UNC5D: variants seen among roughly 807,000 people sequenced by gnomAD.
UNC5D encodes the protein netrin receptor UNC5D.
Under a neutral mutation model 105.4 loss-of-function variants are expected in UNC5D, and 39 were observed. The observed-to-expected ratio is 0.37, with a 90% CI of 0.29 to 0.48. The LOEUF (loss-of-function observed/expected upper bound fraction) is 0.48. Among genes scored for constraint, UNC5D ranks in the 20% least tolerant of loss-of-function variants. The pLI is 0.98. For missense variants in UNC5D, 991 were observed against 1,202.4 expected (o/e 0.82, Z 2.60); for synonymous variants, 452 against 450.4 (o/e 1.00, Z -0.04).
intron 1 of UNC5D, among the ~76,000 whole-genome samples, chr8:35,373,806 C>CT (rs984384889): frequency 6.6e-6 from 1 of 152,122 alleles, no homozygotes; most frequent in Non-Finnish European, 1.5e-5. Flanking sequence ...TTCATATTCA[C>CT]TTTTTTTGTT....
intron 8 of UNC5D, 32 bp downstream of exon 8, chr8:35,705,993 T>C: frequency 7.9e-7 from 1 of 1,271,078 alleles, no homozygotes; most frequent in Non-Finnish European, 1.1e-6. Context: ...GAATATAATT[T>C]ATTCTCATAT....
At chr8:35,377,113 C>T (rs1333343308) in intron 1 of UNC5D, among the ~76,000 whole-genome samples, 2 of 152,190 alleles carry the variant, frequency 1.3e-5, no homozygotes, top group East Asian at 3.9e-4. Context: ...ATCTGCTTCT[C>T]AGGTCATCCT....
intron 1 of UNC5D, among the ~76,000 whole-genome samples, chr8:35,298,008 C>G (rs1323142937): frequency 6.6e-6 from 1 of 152,118 alleles, no homozygotes; most frequent in Non-Finnish European, 1.5e-5. Context: ...TCTTTCTGGT[C>G]AGTCTCAGGC....
At chr8:35,696,000 G>T (rs1052089049) in intron 7 of UNC5D, among the ~76,000 whole-genome samples, 1 of 152,060 alleles carries the variant, frequency 6.6e-6, no homozygotes, top group Non-Finnish European at 1.5e-5. Context: ...CTCCCAAAGT[G>T]CTGGGATTAC....
chr8:35,438,457 C>T (rs1183757354), intron 1 of UNC5D, among the ~76,000 whole-genome samples: 1 of 151,936 alleles, frequency 6.6e-6, no homozygotes, highest in African/African-American at 2.4e-5. Flanking sequence ...TAATGGGGCA[C>T]TATTAGTAAT....
In UNC5D at chr8:35,722,327, T is replaced by C. The variant is rs147064561; in HGVS notation, c.1235T>C (p.Val412Ala). 2 of 1,614,174 alleles carry C rather than the reference T, an allele frequency of 1.2e-6. No homozygotes were observed. Among genetic ancestry groups the C allele is most frequent in the Non-Finnish European group, 1.7e-6 (2 of 1,180,024 alleles). The part of the protein sequence containing the change: ...LYRRSQSDYG[V>A]DVIDSSALTG... ...AGACGGAGCCAGAGTGACTATGGCG[T>C]GGACGTCATTGACTCTTCTGCATTG... The change falls in exon 9 of 17, where the codon GTG (valine) becomes GCG (alanine). Residue 412 changes from valine to alanine, a missense_variant. This residue lies in a region of UNC5D where 944 missense variants were observed against 1,131.6 expected (regional missense o/e 0.83). Transcript: ENST00000404895.
At chr8:35,587,195 G>C (rs1424458008) in intron 3 of UNC5D, among the ~76,000 whole-genome samples, 1 of 152,096 alleles carries the variant, frequency 6.6e-6, no homozygotes, top group Non-Finnish European at 1.5e-5. Flanking sequence ...TTCTGCTGTG[G>C]AACTGAACAG....
At chr8:35,501,464 G>A (rs1249972844) in intron 1 of UNC5D, among the ~76,000 whole-genome samples, 1 of 152,190 alleles carries the variant, frequency 6.6e-6, no homozygotes, top group Admixed American at 6.5e-5. Context: ...GGGGCTCTGT[G>A]AGGAAGATAG....
At chr8:35,414,892 GA>G (rs1183086480) in intron 1 of UNC5D, among the ~76,000 whole-genome samples, 1 of 152,032 alleles carries the variant, frequency 6.6e-6, no homozygotes, top group East Asian at 1.9e-4. Flanking sequence ...CCCTGAACAA[GA>G]AGACTCATTA....
intron 8 of UNC5D, chr8:35,721,376 A>G (rs1284423894): frequency 1.4e-6 from 1 of 702,402 alleles, no homozygotes; most frequent in Non-Finnish European, 2.6e-6. Flanking sequence ...GCTATAGCAC[A>G]TCTTGCGGGG....
At chr8:35,690,972 T>C (rs1826350874) in intron 7 of UNC5D, among the ~76,000 whole-genome samples, 1 of 152,228 alleles carries the variant, frequency 6.6e-6, no homozygotes, top group South Asian at 2.1e-4. Context: ...TCTTGGCTCT[T>C]AGATGACCTA....
At chr8:35,622,168 C>T (rs1468291433) in intron 4 of UNC5D, among the ~76,000 whole-genome samples, 5 of 152,052 alleles carry the variant, frequency 3.3e-5, no homozygotes, top group Non-Finnish European at 4.4e-5. Flanking sequence ...ATGGTGAAAC[C>T]CCATCTCTAC....
At chr8:35,672,507 G>T (rs1238733562) in intron 4 of UNC5D, among the ~76,000 whole-genome samples, 5 of 152,166 alleles carry the variant, frequency 3.3e-5, no homozygotes, top group African/African-American at 9.7e-5. Context: ...CTTCACCAGA[G>T]ATTCAAAAGC....
intron 1 of UNC5D, among the ~76,000 whole-genome samples, chr8:35,401,423 G>T (rs996309721): frequency 6.6e-6 from 1 of 152,168 alleles, no homozygotes; most frequent in Admixed American, 6.5e-5. Flanking sequence ...GGCAGAGGTT[G>T]CAGTGAGCCG....
rs533325599 is a variant in UNC5D at position 35,545,423 on chromosome 8, G to A, written c.104-3869G>A. Among the ~76,000 whole-genome samples, 305 of 146,984 alleles carry A rather than the reference G, an allele frequency of 2.1e-3. 1 individual carries two copies. Among genetic ancestry groups the A allele is most frequent in the Non-Finnish European group, 3.5e-3 (239 of 67,358 alleles). On this transcript the variant is annotated intron_variant, in intron 1 of 16. Transcript: ENST00000404895. ...TGGTTGGCAAGTATGGGTTGGAGAGGGGGAGAGAGGTGAGTCATTGCCCTG... is the reference window on the plus strand; with the variant it reads ...TGGTTGGCAAGTATGGGTTGGAGAGAGGGAGAGAGGTGAGTCATTGCCCTG...
At position 35,395,732 on chromosome 8, in the gene UNC5D, C is replaced by A. The variant is rs1804057247; in HGVS notation, c.104-153560C>A. Among the ~76,000 whole-genome samples, 3 of 152,274 alleles carry A rather than the reference C, an allele frequency of 2.0e-5. No homozygotes were observed. In the South Asian group the frequency reaches 6.2e-4, roughly 32 times the overall value. On this transcript the variant is annotated intron_variant, in intron 1 of 16. Coordinates refer to ENST00000404895, the MANE Select transcript of UNC5D (RefSeq NM_080872.4). The stretch of plus-strand genomic sequence containing the variant: ...TAGATTTTCACAAGACAAGAAAGCA[C>A]CTTTCATTCAGCACAAAAATCTGCA...
intron 1 of UNC5D, among the ~76,000 whole-genome samples, chr8:35,355,167 G>A (rs1427995979): frequency 6.6e-6 from 1 of 152,106 alleles, no homozygotes; most frequent in Non-Finnish European, 1.5e-5. Flanking sequence ...TAGGAAGAGT[G>A]CCAAAGAATT....
rs375306797 is a variant in UNC5D at position 35,540,933 on chromosome 8, C to T, written c.104-8359C>T. 7.2e-5 allele frequency among the ~76,000 whole-genome samples: 11 copies of T among 152,234 alleles called. No individual in the cohort carries two copies. The East Asian group carries it at 2.1e-3, about 29-fold the overall frequency. ...TGCATTCAAAGAATGCACAGCTGAA[C>T]TGGTCTTAGGGCCCATGCTGTAAAC... On this transcript the variant is annotated intron_variant, in intron 1 of 16. Transcript: ENST00000404895.
chr8:35,762,528 T>C (rs953441578), intron 14 of UNC5D, among the ~76,000 whole-genome samples: 1 of 152,172 alleles, frequency 6.6e-6, no homozygotes, highest in Admixed American at 6.5e-5. Context: ...AATTCATTAT[T>C]TCCCATTTTC....
Sources: allele counts gnomAD v4.1 joint callset (sites outside exome capture counted in the v4.1 genomes callset), GRCh38; gene constraint gnomAD v4.1.1; regional missense constraint gnomAD v4.1.1; transcripts MANE v1.5; gene names NCBI Gene and HGNC (gene_info 2026-07-23, HGNC 2026-07-21).